Variants in THYN1 observed in about 807,000 individuals in gnomAD.
THYN1 encodes thymocyte nuclear protein 1.
THYN1 carries 32 observed loss-of-function variants against 30.6 expected under a neutral mutation model. The observed-to-expected ratio is 1.05, with a 90% confidence interval of 0.79 to 1.40. THYN1 has a LOEUF of 1.40. THYN1 is among the 40% of genes most tolerant of loss of function. The probability of loss-of-function intolerance (pLI) is 0.00; values close to 1 mark genes in which losing one functional copy is unlikely to be tolerated. For missense variants in THYN1, 259 were observed against 272.6 expected (o/e 0.95, Z 0.35); for synonymous variants, 107 against 90.8 (o/e 1.18, Z -1.01).
At position 134,252,988 on chromosome 11, in the gene THYN1, C is replaced by G. The variant is rs1334553809; in HGVS notation, c.-106G>C. ...CCCGCGCAGAGCGAGATGGAGGCAA[C>G]GAGAGGCAGCCTAGAACGTCTCCAA... On this transcript the variant is annotated 5_prime_UTR_variant, in exon 1 of 7. Transcript: ENST00000341541. The G allele has an allele frequency of 4.7e-6, 7 of 1,482,034 alleles. No individual in the cohort carries two copies. The highest frequency in any genetic ancestry group is 2.4e-5 in the East Asian group (1 of 40,986). The allele number at this position is 1,482,034 out of a possible 1,614,324, so 91.8% of individuals were successfully genotyped here.
At chr11:134,250,025 A>G in intron 3 of THYN1, 105 bp from the exon 4 acceptor site, 2 of 1,172,710 alleles carry the variant, frequency 1.7e-6, no homozygotes, top group Admixed American at 2.3e-5. Flanking sequence ...TCTTGTCTGC[A>G]ACTCCTCAAT....
intron 3 of THYN1, 73 bp from the exon 4 acceptor site, chr11:134,249,993 C>G: frequency 6.8e-7 from 1 of 1,472,538 alleles, no homozygotes; most frequent in South Asian, 1.2e-5. Flanking sequence ...GAAATCAAGT[C>G]TGCTTTTAAT....
chr11:134,248,350 A>T lies in THYN1; in HGVS notation c.*88T>A. The T allele has an allele frequency of 6.8e-7, 1 of 1,479,820 alleles. No individual in the cohort carries two copies. The highest frequency in any genetic ancestry group is 9.5e-7 in the Non-Finnish European group (1 of 1,057,686). 91.7% of individuals were successfully genotyped at this position (1,479,820 alleles called of 1,614,324 possible). A position where few individuals can be genotyped will look rare whatever the true frequency, so the allele number is the denominator to read the frequency against. ...GAGGTACACAAGCCCAGGTAAGCATACCAAGCAAGCCCCCTCACACCTTTT... is the reference window on the plus strand; with the variant it reads ...GAGGTACACAAGCCCAGGTAAGCATTCCAAGCAAGCCCCCTCACACCTTTT... On this transcript the variant is annotated 3_prime_UTR_variant, in exon 7 of 7. Coordinates refer to ENST00000341541, the MANE Select transcript of THYN1 (RefSeq NM_014174.3).
Position 134,251,155 on chromosome 11 carries a change from C to A in THYN1, c.197G>T (p.Arg66Leu), listed in dbSNP as rs764172662. The stretch of plus-strand genomic sequence containing the variant: ...CTTCACATCTACACCTTTCTCTAGG[C>A]GGCTCTCTGGCTCTGACTTCATCAG... ...HWLMKSEPESRLEKGVDVKFS... is the reference protein window; with the variant it reads ...HWLMKSEPESLLEKGVDVKFS... Residue 66 changes from arginine (R) to leucine (L), a missense_variant, in exon 2 of 7, where the codon CGC becomes CTC. By Grantham distance (102) the Arg-to-Leu change is moderately radical. Transcript: ENST00000341541. The A allele has an allele frequency of 1.2e-6, 2 of 1,613,506 alleles. No homozygotes were observed. The highest frequency in any genetic ancestry group is 4.5e-5 in the East Asian group (2 of 44,872).
chr11:134,252,912 C>T lies in THYN1; in HGVS notation c.-30G>A. 1 of 1,568,564 alleles carries T rather than the reference C, an allele frequency of 6.4e-7. No homozygotes were observed. The highest frequency in any genetic ancestry group is 8.6e-7 in the Non-Finnish European group (1 of 1,162,414). ...ACGCTGCAGGGGACTTTAGTGCGGA[C>T]GATTCTGGAATCAACGGAGATACAA... On this transcript the variant is annotated 5_prime_UTR_variant, in exon 1 of 7. Coordinates refer to ENST00000341541, the MANE Select transcript of THYN1 (RefSeq NM_014174.3).
In THYN1 at chr11:134,253,122, CTT is replaced by C; in HGVS notation, c.-242_-241del. 7.3e-7 allele frequency: 1 copy of C among 1,364,146 alleles called. No individual in the cohort carries two copies. The highest frequency in any genetic ancestry group is 9.4e-7 in the Non-Finnish European group (1 of 1,064,190). The allele number at this position is 1,364,146 out of a possible 1,614,324, so 84.5% of individuals were successfully genotyped here. ...CCCCTAAACTCTTCTCGGTTCTGTC[CTT>C]GGTCCTTCTCATCCAGGAACCCCTA... On this transcript the variant is annotated 5_prime_UTR_variant, in exon 1 of 7. The change abolishes the stop of an existing upstream ORF in the 5' untranslated region. Transcript: ENST00000341541.
At chr11:134,249,115 C>T (rs1938924456) in intron 5 of THYN1, 52 bp downstream of exon 5, 2 of 1,582,112 alleles carry the variant, frequency 1.3e-6, no homozygotes, top group African/African-American at 2.7e-5. Flanking sequence ...CAACCGTCTT[C>T]TTCCCCTGGT....
chr11:134,251,207 A>G lies in THYN1; in HGVS notation c.145T>C (p.Cys49Arg), dbSNP rs778402465. ...NPQKTSATKN[C>R]LKNLSSHWLM... is the part of the protein sequence containing the mutation. ...CAGTGGCTGCTTAGATTCTTCAAAC[A>G]GTTTTTAGTGGCTGAAGTCTTCTGA... The change falls in exon 2 of 7, where the codon TGT (cysteine) becomes CGT (arginine). Residue 49 changes from cysteine to arginine, a missense_variant. By Grantham distance (180) the Cys-to-Arg change is radical (BLOSUM62 -3). Transcript: ENST00000341541. The G allele has an allele frequency of 2.1e-5, 34 of 1,614,068 alleles. No homozygotes were observed. The highest frequency in any genetic ancestry group is 2.5e-5 in the Non-Finnish European group (29 of 1,180,024).
intron 1 of THYN1, 136 bp downstream of exon 1, chr11:134,252,704 A>T: frequency 1.0e-6 from 1 of 965,342 alleles, no homozygotes; most frequent in South Asian, 1.4e-5. Context: ...AAGAAGATGG[A>T]GAGTGATTAA....
In THYN1 at chr11:134,249,880, GCTT is replaced by G. The variant is rs767028899; in HGVS notation, c.329_331del (p.Glu110del). The stretch of plus-strand genomic sequence containing the variant: ...TTTGCAGTTGCTATGGTAGAAGAAG[GCTT>G]CTTCTCCCAGCTTCATGGCTCTAAG... On this transcript the variant is annotated inframe_deletion, in exon 4 of 7. Coordinates refer to ENST00000341541, the MANE Select transcript of THYN1 (RefSeq NM_014174.3). 13 of 1,613,966 alleles carry G rather than the reference GCTT, an allele frequency of 8.1e-6. No homozygotes were observed. The highest frequency in any genetic ancestry group is 5.3e-5 in the African/African-American group (4 of 74,896).
At chr11:134,250,474 G>A (rs1232713700) in intron 2 of THYN1, 131 bp from the exon 3 acceptor site, 1 of 941,974 alleles carries the variant, frequency 1.1e-6, no homozygotes, top group African/African-American at 1.6e-5. Context: ...TAGTTCACCG[G>A]GAAGTGGCTC....
At chr11:134,251,784 T>A (rs984222122) in intron 1 of THYN1, 1 of 152,706 alleles carries the variant, frequency 6.5e-6, no homozygotes, top group African/African-American at 2.4e-5. Flanking sequence ...TCCTGGCCCA[T>A]CTCCTTTCTG....
At chr11:134,251,362 A>G in intron 1 of THYN1, 54 bp from the exon 2 acceptor site, 1 of 1,554,286 alleles carries the variant, frequency 6.4e-7, no homozygotes, top group Non-Finnish European at 8.7e-7. Context: ...GCAATGTTTC[A>G]TAATGGAAAA....
intron 1 of THYN1, chr11:134,251,993 C>T (rs1018540782): frequency 3.3e-5 from 5 of 152,240 alleles, no homozygotes; most frequent in African/African-American, 9.7e-5. Flanking sequence ...GGTTAATCTA[C>T]ATAACCTGTG....
Position 134,248,307 on chromosome 11 carries a change from A to G in THYN1, c.*131T>C, listed in dbSNP as rs776780998. On this transcript the variant is annotated 3_prime_UTR_variant, in exon 7 of 7. Coordinates refer to ENST00000341541, the MANE Select transcript of THYN1 (RefSeq NM_014174.3). ...TTCAACTTTGATATTTTATTGAAAA[A>G]AGTACACAAAAACCACTGAGGTACA... 38 of 1,058,892 alleles carry G rather than the reference A, an allele frequency of 3.6e-5. No homozygotes were observed. The highest frequency in any genetic ancestry group is 5.6e-5 in the Non-Finnish European group (38 of 673,790). The allele number at this position is 1,058,892 out of a possible 1,614,324, so 65.6% of individuals were successfully genotyped here.
chr11:134,249,153 A>G lies in THYN1; in HGVS notation c.480+14T>C. ...ATCCTTCCCCTGTCATGAAATAGAAAGCATAGTCTTTACCATGGACCACTT... is the reference window on the plus strand; with the variant it reads ...ATCCTTCCCCTGTCATGAAATAGAAGGCATAGTCTTTACCATGGACCACTT... On this transcript the variant is annotated intron_variant, in intron 5 of 6. Transcript: ENST00000341541. 3 of 1,603,758 alleles carry G rather than the reference A, an allele frequency of 1.9e-6. No homozygotes were observed. The highest frequency in any genetic ancestry group is 2.6e-6 in the Non-Finnish European group (3 of 1,174,628).
intron 3 of THYN1, 106 bp from the exon 4 acceptor site, chr11:134,250,026 ACTC>A: frequency 8.6e-7 from 1 of 1,160,918 alleles, no homozygotes; most frequent in Non-Finnish European, 1.2e-6. Flanking sequence ...CTTGTCTGCA[ACTC>A]CTCAATTCAT....
In THYN1 at chr11:134,248,963, TGTGACAACA is replaced by T. The variant is rs1565361928; in HGVS notation, c.481-13_481-5del. The T allele has an allele frequency of 6.2e-7, 1 of 1,614,216 alleles. No individual in the cohort carries two copies. Among genetic ancestry groups the T allele is most frequent in the African/African-American group, 1.3e-5 (1 of 75,046 alleles). ...TCCGAACAAACTGTACATCCACCTA[TGTGACAACA>T]GTGTACATGACAGAAAGACGTGTCT... On this transcript the variant is annotated splice_polypyrimidine_tract_variant and splice_region_variant and intron_variant, in intron 5 of 6. Coordinates refer to ENST00000341541, the MANE Select transcript of THYN1 (RefSeq NM_014174.3).
intron 2 of THYN1, among the ~76,000 whole-genome samples, chr11:134,250,753 CTA>C (rs774703600): frequency 1.3e-5 from 2 of 152,170 alleles, no homozygotes; most frequent in Non-Finnish European, 2.9e-5. Context: ...GGTTGGCAGA[CTA>C]TAGCCTTCAG....
Sources: allele counts gnomAD v4.1 joint callset (sites outside exome capture counted in the v4.1 genomes callset), GRCh38; gene constraint gnomAD v4.1.1; transcripts MANE v1.5; gene names NCBI Gene and HGNC (gene_info 2026-07-23, HGNC 2026-07-21).